Variants in HDAC5 observed in about 807,000 individuals in gnomAD.
HDAC5 encodes histone deacetylase 5, also known as antigen NY-CO-9.
In HDAC5, 25 loss-of-function variants were observed where a neutral mutation model predicts 133.3. The ratio of observed to expected loss-of-function variants is 0.19; its 90% CI spans 0.14 to 0.26. HDAC5 has a LOEUF of 0.26. HDAC5 is among the 10% of genes least tolerant of loss of function. The pLI is 1.00. For synonymous variants in HDAC5, 589 were observed against 610.8 expected (o/e 0.96, Z 0.53); for missense variants, 1,041 against 1,460.5 (o/e 0.71, Z 4.68).
chr17:44,086,800 C>A, intron 13 of HDAC5, 63 bp from the exon 14 acceptor site: 1 of 1,214,326 alleles, frequency 8.2e-7, no homozygotes, highest in East Asian at 3.0e-5. Context: ...GAGGGCAGGC[C>A]CTGTCAGGGC....
rs376553632 is a variant in HDAC5 at position 44,111,349 on chromosome 17, G to A, written c.23-549C>T. On this transcript the variant is annotated intron_variant, in intron 2 of 26. Coordinates refer to ENST00000682912, the MANE Select transcript of HDAC5 (RefSeq NM_005474.5). ...CGGGCTGCCAGGAGGCCCCATGGGG[G>A]GGGAGGCGGTTCTACCCCAGGAGGA... 4.2e-5 allele frequency: 14 copies of A among 331,162 alleles called. No individual in the cohort carries two copies. In the East Asian group the frequency reaches 5.4e-4, roughly 13 times the overall value. 20.5% of individuals were successfully genotyped at this position (331,162 alleles called of 1,614,324 possible). A position where few individuals can be genotyped will look rare whatever the true frequency, so the allele number is the denominator to read the frequency against.
chr17:44,110,658 G>A lies in HDAC5; in HGVS notation c.94+71C>T, dbSNP rs2052276882. 3.2e-6 allele frequency: 4 copies of A among 1,244,144 alleles called. No individual in the cohort carries two copies. The South Asian group carries it at 4.9e-5, about 15-fold the overall frequency. 77.1% of individuals were successfully genotyped at this position (1,244,144 alleles called of 1,614,324 possible). ...CAGGACCCTATCTGTGCAAGGCTCA[G>A]GGCCAGATGCTCAGCCCAGGGACAA... On this transcript the variant is annotated intron_variant, in intron 3 of 26. Coordinates refer to ENST00000682912, the MANE Select transcript of HDAC5 (RefSeq NM_005474.5).
In HDAC5 at chr17:44,092,689, G is replaced by T. The variant is rs1415912512; in HGVS notation, c.759C>A (p.Pro253=). The change falls in exon 7 of 27, where the codon CCC becomes CCA. Residue 253 remains proline (P), a synonymous_variant. Transcript: ENST00000682912. ...PGPYDSRDDF[P]LRKTASEPNL... ...GGACTCACTCACCTGTTTTGCGGAG[G>T]GGGAAGTCGTCTCGACTGTCGTAGG... The T allele has an allele frequency of 1.3e-6, 2 of 1,518,472 alleles. No homozygotes were observed. The highest frequency in any genetic ancestry group is 8.8e-7 in the Non-Finnish European group (1 of 1,132,442). 94.1% of individuals were successfully genotyped at this position (1,518,472 alleles called of 1,614,324 possible).
intron 5 of HDAC5, 50 bp downstream of exon 5, chr17:44,093,264 G>A: frequency 6.3e-7 from 1 of 1,585,074 alleles, no homozygotes; most frequent in Non-Finnish European, 8.6e-7. Flanking sequence ...CATGGCAGGG[G>A]CAGGCATCAC....
At position 44,091,808 on chromosome 17, in the gene HDAC5, G is replaced by T. The variant is rs1319239341; in HGVS notation, c.1056C>A (p.Leu352=). ...PTEMLPQHRA[L]PLDSSPNQFS... is the part of the protein sequence containing the mutation. ...ACTGGTTGGGGGAGCTGTCCAGAGG[G>T]AGGGCTCGGTGCTGAGGGAGCATCT... The change falls in exon 10 of 27, where the codon CTC becomes CTA. Residue 352 remains leucine (L), a synonymous_variant. Transcript: ENST00000682912. 27 of 1,585,710 alleles carry T rather than the reference G, an allele frequency of 1.7e-5. No homozygotes were observed. Among genetic ancestry groups the T allele is most frequent in the Non-Finnish European group, 2.2e-5 (26 of 1,166,884 alleles).
chr17:44,092,918 G>A lies in HDAC5; in HGVS notation c.642-112C>T, dbSNP rs774617207. On this transcript the variant is annotated intron_variant, in intron 6 of 26. Transcript: ENST00000682912. The stretch of plus-strand genomic sequence containing the variant: ...AAAAATCGTTTGTATATAGGAAGAG[G>A]ACGTGGATCTTGGGGAAGGAATGAG... The A allele has an allele frequency of 1.5e-5, 10 of 658,240 alleles. No individual in the cohort carries two copies. The East Asian group carries it at 2.2e-4, about 15-fold the overall frequency. 40.8% of individuals were successfully genotyped at this position (658,240 alleles called of 1,614,324 possible). A position where few individuals can be genotyped will look rare whatever the true frequency, so the allele number is the denominator to read the frequency against.
chr17:44,092,708 T>C lies in HDAC5; in HGVS notation c.740A>G (p.Asp247Gly), dbSNP rs1202707305. Residue 247 changes from aspartate (D) to glycine (G), a missense_variant, in exon 7 of 27, where the codon GAC becomes GGC. Physicochemically the swap from Asp to Gly is moderately conservative, Grantham distance 94 (BLOSUM62 -1). Around this residue, in one of 9 missense-constraint regions of HDAC5, gnomAD observed 56 missense variants for 41.3 expected, o/e 1.36. Transcript: ENST00000682912. ...GCGGAGGGGGAAGTCGTCTCGACTGTCGTAGGGCCCAGGCAAAGGCAGTTT... is the reference window on the plus strand; with the variant it reads ...GCGGAGGGGGAAGTCGTCTCGACTGCCGTAGGGCCCAGGCAAAGGCAGTTT... ...SYKLPLPGPY[D>G]SRDDFPLRKT... The C allele has an allele frequency of 1.3e-6, 2 of 1,504,598 alleles. No homozygotes were observed. Among genetic ancestry groups the C allele is most frequent in the Non-Finnish European group, 8.9e-7 (1 of 1,126,124 alleles). 93.2% of individuals were successfully genotyped at this position (1,504,598 alleles called of 1,614,324 possible).
At position 44,114,441 on chromosome 17, in the gene HDAC5, G is replaced by C. The variant is rs895200360; in HGVS notation, c.22+3053C>G. On this transcript the variant is annotated intron_variant, in intron 2 of 26. Coordinates refer to ENST00000682912, the MANE Select transcript of HDAC5 (RefSeq NM_005474.5). ...TGGTCACCCAGAGAGCAGGCGTGGG[G>C]GGGGGGGGCTGCTGCCCTCCATCCT... 1.4e-4 allele frequency among the ~76,000 whole-genome samples: 22 copies of C among 151,802 alleles called. No homozygotes were observed. In the East Asian group the frequency reaches 2.3e-3, roughly 16 times the overall value.
In HDAC5 at chr17:44,108,768, AAAAAC is replaced by A. The variant is rs1567683634; in HGVS notation, c.94+1956_94+1960del. On this transcript the variant is annotated intron_variant, in intron 3 of 26. Coordinates refer to ENST00000682912, the MANE Select transcript of HDAC5 (RefSeq NM_005474.5). Reference sequence around the variant, plus strand: ...CCAGAGTCCAAAAAAAAAACAAAAAAAAAACAAAAAAAAAACAAGGCTGCCGAGCT... The same window carrying A: ...CCAGAGTCCAAAAAAAAAACAAAAAAAAAAAAAAAACAAGGCTGCCGAGCT... Among the ~76,000 whole-genome samples the A allele has an allele frequency of 1.1e-4, 16 of 147,362 alleles. 1 individual carries two copies. Among genetic ancestry groups the A allele is most frequent in the African/African-American group, 4.2e-4 (16 of 37,948 alleles).
At position 44,093,586 on chromosome 17, in the gene HDAC5, T is replaced by C. The variant is rs2051080773; in HGVS notation, c.343A>G (p.Lys115Glu). The change falls in exon 4 of 27, where the codon AAG becomes GAG. Residue 115 changes from lysine (K) to glutamate (E), a missense_variant. Lys to Glu is a moderately conservative substitution (Grantham distance 56). Around this residue, in one of 9 missense-constraint regions of HDAC5, gnomAD observed 109 missense variants for 168.0 expected, o/e 0.65. Coordinates refer to ENST00000682912, the MANE Select transcript of HDAC5 (RefSeq NM_005474.5). ...CCCCCCTCGCTCACCTTGAGGTGCTTCTGCAGCTGGACCTCATGCTGCCTT... is the reference window on the plus strand; with the variant it reads ...CCCCCCTCGCTCACCTTGAGGTGCTCCTGCAGCTGGACCTCATGCTGCCTT... ...LTRQHEVQLQ[K>E]HLKQQQEMLA... 1 of 1,607,964 alleles carries C rather than the reference T, an allele frequency of 6.2e-7. No homozygotes were observed. The highest frequency in any genetic ancestry group is 1.7e-5 in the Admixed American group (1 of 59,762).
chr17:44,119,898 AC>A (rs1459587956), intron 1 of HDAC5: 6 of 152,210 alleles, frequency 3.9e-5, no homozygotes, highest in Admixed American at 3.9e-4. Context: ...TGGATGCCAA[AC>A]CAGGGAGTGG....
rs748208936 is a variant in HDAC5 at position 44,080,481 on chromosome 17, G to A, written c.2745C>T (p.Gly915=). The A allele has an allele frequency of 1.1e-5, 18 of 1,614,058 alleles. No individual in the cohort carries two copies. Among genetic ancestry groups the A allele is most frequent in the Middle Eastern group, 3.3e-4 (2 of 6,062 alleles). The change falls in exon 22 of 27, where the codon GGC becomes GGT. Residue 915 remains glycine, a synonymous_variant. Coordinates refer to ENST00000682912, the MANE Select transcript of HDAC5 (RefSeq NM_005474.5). ...ATGCCACGTTCACATTGTACCCCAC[G>A]CCTGGTCCTCCACCAACCTGGCACC... ...GAPEEVGGGP[G]VGYNVNVAWT... is the part of the protein sequence containing the mutation.
At chr17:44,081,343 G>A (rs1052562920) in intron 20 of HDAC5, among the ~76,000 whole-genome samples, 6 of 151,284 alleles carry the variant, frequency 4.0e-5, no homozygotes, top group South Asian at 2.1e-4. Context: ...TCCACCTCCC[G>A]GGTTCAAGCG....
At chr17:44,100,335 C>T (rs779283423) in intron 3 of HDAC5, among the ~76,000 whole-genome samples, 5 of 152,004 alleles carry the variant, frequency 3.3e-5, no homozygotes, top group Non-Finnish European at 5.9e-5. Context: ...AACTATAGTT[C>T]CCCCTAGAGA....
chr17:44,122,256 T>C (rs2053057603), intron 1 of HDAC5, among the ~76,000 whole-genome samples: 1 of 152,074 alleles, frequency 6.6e-6, no homozygotes, highest in African/African-American at 2.4e-5. Flanking sequence ...GCCTACATCC[T>C]CTGAAACTAA....
Position 44,093,136 on chromosome 17 carries a change from T to A in HDAC5, c.597A>T (p.Thr199=). 1 of 1,613,770 alleles carries A rather than the reference T, an allele frequency of 6.2e-7. No homozygotes were observed. The highest frequency in any genetic ancestry group is 8.5e-7 in the Non-Finnish European group (1 of 1,179,838). The change falls in exon 6 of 27, where the codon ACA becomes ACT. Residue 199 remains threonine, a synonymous_variant. Transcript: ENST00000682912. The part of the protein sequence containing the change: ...EFLLSKSKEP[T]PGGLNHSLPQ... Reference sequence around the variant, plus strand: ...GGAGGGAATGGTTGAGGCCGCCTGGTGTGGGCTCCTTTGACTTCGACAAGA... The same window carrying A: ...GGAGGGAATGGTTGAGGCCGCCTGGAGTGGGCTCCTTTGACTTCGACAAGA...
Position 44,080,505 on chromosome 17 carries a change from C to T in HDAC5, c.2728-7G>A, listed in dbSNP as rs759409556. The T allele has an allele frequency of 3.1e-6, 5 of 1,613,574 alleles. No individual in the cohort carries two copies. The highest frequency in any genetic ancestry group is 2.7e-5 in the African/African-American group (2 of 74,894). Reference sequence around the variant, plus strand: ...CGCCTGGTCCTCCACCAACCTGGCACCAGAGTTGGGGAGAGGGCTATTCTC... The same window carrying T: ...CGCCTGGTCCTCCACCAACCTGGCATCAGAGTTGGGGAGAGGGCTATTCTC... On this transcript the variant is annotated splice_region_variant and splice_polypyrimidine_tract_variant and intron_variant, in intron 21 of 26. Coordinates refer to ENST00000682912, the MANE Select transcript of HDAC5 (RefSeq NM_005474.5).
In HDAC5 at chr17:44,079,252, C is replaced by T. The variant is rs779672241; in HGVS notation, c.2970G>A (p.Leu990=). Residue 990 remains leucine (L), a synonymous_variant, in exon 24 of 27, where the codon CTG becomes CTA. Coordinates refer to ENST00000682912, the MANE Select transcript of HDAC5 (RefSeq NM_005474.5). The part of the protein sequence containing the change: ...ARCFGHLTRQ[L]MTLAGGRVVL... ...CCACCCGGCCCCCTGCCAGGGTCAT[C>T]AGCTGCCTGGTCAAGTGGCCAAAAC... 2.5e-6 allele frequency: 4 copies of T among 1,613,666 alleles called. No individual in the cohort carries two copies. The African/African-American group carries it at 5.3e-5, about 22-fold the overall frequency.
intron 2 of HDAC5, among the ~76,000 whole-genome samples, chr17:44,111,910 A>G (rs1012934909): frequency 1.3e-5 from 2 of 152,148 alleles, no homozygotes; most frequent in African/African-American, 4.8e-5. Context: ...AACATCTGCT[A>G]ATTCTCAGAG....
Sources: allele counts gnomAD v4.1 joint callset (sites outside exome capture counted in the v4.1 genomes callset), GRCh38; gene constraint gnomAD v4.1.1; regional missense constraint gnomAD v4.1.1; transcripts MANE v1.5; gene names NCBI Gene and HGNC (gene_info 2026-07-23, HGNC 2026-07-21).